Variants in BFSP2 observed in about 807,000 individuals in gnomAD.
The protein encoded by BFSP2 is beaded filament structural protein 2, also known as phakinin.
Under a neutral mutation model 44.9 loss-of-function variants are expected in BFSP2, and 38 were observed. The observed-to-expected ratio is 0.85, with a 90% CI of 0.65 to 1.11. BFSP2 has a LOEUF of 1.11. Ranked by LOEUF, BFSP2 falls within the 50% of genes least tolerant of loss-of-function variation. The pLI, the probability that BFSP2 is intolerant of heterozygous loss-of-function variation, is 0.00. For synonymous variants in BFSP2, 197 were observed against 209.9 expected (o/e 0.94, Z 0.53); for missense variants, 525 against 533.0 (o/e 0.99, Z 0.15).
chr3:133,405,623 T>C (rs923577827), intron 1 of BFSP2, among the ~76,000 whole-genome samples: 8 of 151,986 alleles, frequency 5.3e-5, no homozygotes, highest in African/African-American at 1.2e-4. Flanking sequence ...CCCTGGAAAG[T>C]AGGTGATGGG....
chr3:133,420,389 A>T (rs370777076), intron 1 of BFSP2, among the ~76,000 whole-genome samples: 91 of 152,348 alleles, frequency 6.0e-4, no homozygotes, highest in African/African-American at 1.8e-3. Flanking sequence ...GTAAAGAAGC[A>T]GCAGTCATCA....
chr3:133,400,882 G>A lies in BFSP2; in HGVS notation c.489+310G>A, dbSNP rs1183897902. On this transcript the variant is annotated intron_variant, in intron 1 of 6. Transcript: ENST00000302334. This position sits in a 1 kb window ranked among gnomAD's most constrained non-coding sequence, Gnocchi z 4.0. Reference sequence around the variant, plus strand: ...CATGTAATTTGCCCAAGACTTCAAAGCTAGTAGAGGGATGGAGATGAGATT... The same window carrying A: ...CATGTAATTTGCCCAAGACTTCAAAACTAGTAGAGGGATGGAGATGAGATT... Among the ~76,000 whole-genome samples the A allele has an allele frequency of 6.6e-6, 1 of 152,328 alleles. No individual in the cohort carries two copies. Among genetic ancestry groups the A allele is most frequent in the African/African-American group, 2.4e-5 (1 of 41,568 alleles).
intron 1 of BFSP2, among the ~76,000 whole-genome samples, chr3:133,431,031 C>T (rs539096694): frequency 2.0e-5 from 3 of 151,370 alleles, no homozygotes; most frequent in South Asian, 2.1e-4. Context: ...AATCAGATAG[C>T]GTTTAGGCTC....
At chr3:133,474,163 A>G (rs1356012627) in intron 6 of BFSP2, among the ~76,000 whole-genome samples, 1 of 152,172 alleles carries the variant, frequency 6.6e-6, no homozygotes, top group Non-Finnish European at 1.5e-5. Flanking sequence ...AACTCTTTCC[A>G]GAAACCCAGG....
At chr3:133,407,722 G>T (rs962974259) in intron 1 of BFSP2, among the ~76,000 whole-genome samples, 1 of 152,158 alleles carries the variant, frequency 6.6e-6, no homozygotes, top group Non-Finnish European at 1.5e-5. Context: ...TCTATAGTAA[G>T]CTCTACTGTG....
At chr3:133,407,197 C>T (rs2107877333) in intron 1 of BFSP2, among the ~76,000 whole-genome samples, 1 of 152,212 alleles carries the variant, frequency 6.6e-6, no homozygotes, top group South Asian at 2.1e-4. Context: ...GCCTGGGCAA[C>T]AAAGCAAGGG....
At chr3:133,453,691 G>T (rs769293117) in intron 4 of BFSP2, among the ~76,000 whole-genome samples, 2 of 152,146 alleles carry the variant, frequency 1.3e-5, no homozygotes, top group Non-Finnish European at 2.9e-5. Flanking sequence ...CCTTCCAAAG[G>T]CTTCAGAGAA....
intron 4 of BFSP2, among the ~76,000 whole-genome samples, chr3:133,459,578 A>G (rs1168421519): frequency 6.6e-6 from 1 of 152,150 alleles, no homozygotes; most frequent in Non-Finnish European, 1.5e-5. Flanking sequence ...TCACAGAGAA[A>G]CTTGTAGCCC....
intron 5 of BFSP2, among the ~76,000 whole-genome samples, chr3:133,470,632 A>C (rs774814504): frequency 6.6e-6 from 1 of 152,208 alleles, no homozygotes; most frequent in South Asian, 2.1e-4. Flanking sequence ...GGAGACATAG[A>C]TAGTGCAATA....
chr3:133,411,295 A>G (rs1473177397), intron 1 of BFSP2, among the ~76,000 whole-genome samples: 1 of 152,054 alleles, frequency 6.6e-6, no homozygotes, highest in Non-Finnish European at 1.5e-5. Flanking sequence ...CCTTTCTTAT[A>G]AGACCTATAG....
At chr3:133,428,533 C>CCACG (rs2073676051) in intron 1 of BFSP2, among the ~76,000 whole-genome samples, 1 of 151,978 alleles carries the variant, frequency 6.6e-6, no homozygotes. Flanking sequence ...GCTGCAGCAG[C>CCACG]CACGCCTGGG....
At chr3:133,428,193 C>T (rs559264110) in intron 1 of BFSP2, among the ~76,000 whole-genome samples, 4 of 152,104 alleles carry the variant, frequency 2.6e-5, no homozygotes, top group Admixed American at 6.5e-5. Context: ...ATTCCTGAGA[C>T]GCAAAGCCCA....
intron 4 of BFSP2, among the ~76,000 whole-genome samples, chr3:133,459,446 G>C (rs2074042277): frequency 6.6e-6 from 1 of 152,170 alleles, no homozygotes; most frequent in Non-Finnish European, 1.5e-5. Context: ...TTATTACAAG[G>C]GGGCAGCAAG....
chr3:133,417,041 G>C (rs2073541428), intron 1 of BFSP2, among the ~76,000 whole-genome samples: 1 of 91,932 alleles, frequency 1.1e-5, no homozygotes, highest in Admixed American at 1.2e-4. Flanking sequence ...ACTCCTTCCT[G>C]CCATCTCCCC....
intron 1 of BFSP2, among the ~76,000 whole-genome samples, chr3:133,430,326 G>A (rs1440486982): frequency 3.0e-4 from 45 of 151,360 alleles, no homozygotes; most frequent in African/African-American, 6.8e-4. Context: ...CTGAGGAATC[G>A]CCACACTGAC....
chr3:133,441,300 T>C (rs1452312085), intron 1 of BFSP2, among the ~76,000 whole-genome samples: 4 of 152,194 alleles, frequency 2.6e-5, no homozygotes, highest in Non-Finnish European at 5.9e-5. Flanking sequence ...CCTCCCAAAG[T>C]GCTAGGATTA....
intron 4 of BFSP2, among the ~76,000 whole-genome samples, chr3:133,465,663 A>G (rs2074102509): frequency 6.6e-6 from 1 of 152,208 alleles, no homozygotes; most frequent in South Asian, 2.1e-4. Flanking sequence ...TTTCACAAGG[A>G]AACAGGCACT....
At chr3:133,420,707 C>T (rs2073585129) in intron 1 of BFSP2, among the ~76,000 whole-genome samples, 1 of 152,202 alleles carries the variant, frequency 6.6e-6, no homozygotes. Context: ...CAAGCGACCT[C>T]TCTTCTCACG....
intron 4 of BFSP2, among the ~76,000 whole-genome samples, chr3:133,464,448 T>C (rs1438189469): frequency 6.6e-6 from 1 of 152,244 alleles, no homozygotes; most frequent in East Asian, 1.9e-4. Context: ...TTAAATTAGA[T>C]ACTTGATTAA....
Sources: allele counts gnomAD v4.1 joint callset (sites outside exome capture counted in the v4.1 genomes callset), GRCh38; gene constraint gnomAD v4.1.1; non-coding constraint Gnocchi (gnomAD v3.1); transcripts MANE v1.5; gene names NCBI Gene and HGNC (gene_info 2026-07-23, HGNC 2026-07-21).